The following IDO1 variants were observed in gnomAD, a reference collection of about 807,000 sequenced individuals.
IDO1 encodes the protein indoleamine 2,3-dioxygenase 1.
IDO1 carries 35 observed loss-of-function variants against 38.8 expected under a neutral mutation model. The observed-to-expected ratio is 0.90, with a 90% CI of 0.69 to 1.20. The LOEUF is 1.20. IDO1 is among the 50% of genes most tolerant of loss of function. IDO1 has a pLI of 0.00. For synonymous variants in IDO1, 171 were observed against 170.0 expected (o/e 1.01, Z -0.05); for missense variants, 509 against 485.1 (o/e 1.05, Z -0.46).
At position 39,928,000 on chromosome 8, in the gene IDO1, AG is replaced by A; in HGVS notation, c.1029del (p.Ser344AlafsTer7). ...DACVKALVSLRSYHLQIVTKY... is the reference protein window; with the variant it reads ...DACVKALVSLXSYHLQIVTKY... ...CTGTGTGAAAGCTCTGGTCTCCCTG[AG>A]GAGCTACCATCTGCAAATCGTGACT... On this transcript the variant is annotated frameshift_variant, in exon 10 of 10. Transcript: ENST00000518237. LOFTEE classifies it low-confidence loss of function (END_TRUNC). The A allele has an allele frequency of 6.2e-7, 1 of 1,605,744 alleles. No homozygotes were observed. Among genetic ancestry groups the A allele is most frequent in the Non-Finnish European group, 8.5e-7 (1 of 1,176,070 alleles).
intron 5 of IDO1, among the ~76,000 whole-genome samples, chr8:39,921,817 A>C (rs1244442040): frequency 6.6e-6 from 1 of 152,230 alleles, no homozygotes; most frequent in African/African-American, 2.4e-5. Context: ...AAAGCATATA[A>C]ACCACTGAGA....
intron 5 of IDO1, 135 bp downstream of exon 5, chr8:39,920,249 A>G (rs959498901): frequency 4.7e-6 from 3 of 642,304 alleles, no homozygotes; most frequent in Non-Finnish European, 8.0e-6. Context: ...GTGACTATTT[A>G]GAGAACAAAT....
At chr8:39,922,426 G>A (rs975425022) in intron 5 of IDO1, 126 bp from the exon 6 acceptor site, 132 of 673,184 alleles carry the variant, frequency 2.0e-4, no homozygotes, top group Admixed American at 2.9e-4. Context: ...ACATAATGGA[G>A]ATAGTAAGGC....
Position 39,928,353 on chromosome 8 carries a change from G to A in IDO1, c.*168G>A, listed in dbSNP as rs2129592541. 1.9e-6 allele frequency: 1 copy of A among 538,476 alleles called. No individual in the cohort carries two copies. Among genetic ancestry groups the A allele is most frequent in the East Asian group, 2.9e-5 (1 of 34,326 alleles). 33.4% of individuals were successfully genotyped at this position (538,476 alleles called of 1,614,324 possible). A position where few individuals can be genotyped will look rare whatever the true frequency, so the allele number is the denominator to read the frequency against. On this transcript the variant is annotated 3_prime_UTR_variant, in exon 10 of 10. Coordinates refer to ENST00000518237, the MANE Select transcript of IDO1 (RefSeq NM_002164.6). ...ATTTCTTGTAGGAAAACAACAAAAG[G>A]TAATTATGTGTAATTATACTAGAAG... is the stretch of plus-strand genomic sequence containing the variant.
intron 3 of IDO1, chr8:39,918,436 A>G (rs1190474703): frequency 1.9e-6 from 1 of 536,746 alleles, no homozygotes. Context: ...TGGCAACCCT[A>G]ATTACATAAA....
chr8:39,921,020 A>C (rs1807263974), intron 5 of IDO1: 1 of 152,198 alleles, frequency 6.6e-6, no homozygotes, highest in Admixed American at 6.5e-5. Context: ...GGAACCCTTG[A>C]AGCAAGTTAT....
chr8:39,913,997 G>A lies in IDO1; in HGVS notation c.75G>A (p.Leu25=). 1.3e-6 allele frequency: 2 copies of A among 1,568,192 alleles called. No homozygotes were observed. Among genetic ancestry groups the A allele is most frequent in the Non-Finnish European group, 1.7e-6 (2 of 1,155,768 alleles). Residue 25 remains leucine (L), a synonymous_variant, in exon 1 of 10, where the codon CTG becomes CTA. Transcript: ENST00000518237. ...YHIDEEVGFA[L]PNPQENLPDF... ...TTGATGAAGAAGTGGGCTTTGCTCTGCCAAATCCACAGGTAAGAGAAGGCA... is the reference window on the plus strand; with the variant it reads ...TTGATGAAGAAGTGGGCTTTGCTCTACCAAATCCACAGGTAAGAGAAGGCA...
At chr8:39,927,208 G>T (rs1807375095) in intron 9 of IDO1, among the ~76,000 whole-genome samples, 1 of 152,132 alleles carries the variant, frequency 6.6e-6, no homozygotes, top group African/African-American at 2.4e-5. Context: ...GTCAAATGCA[G>T]ATTATATATG....
intron 9 of IDO1, among the ~76,000 whole-genome samples, chr8:39,925,621 A>G (rs959938370): frequency 6.6e-6 from 1 of 152,052 alleles, no homozygotes; most frequent in African/African-American, 2.4e-5. Flanking sequence ...CGGTGACTCA[A>G]GCCTGTAATC....
chr8:39,922,247 C>A (rs894168035), intron 5 of IDO1, among the ~76,000 whole-genome samples: 1 of 152,120 alleles, frequency 6.6e-6, no homozygotes, highest in Non-Finnish European at 1.5e-5. Flanking sequence ...GTGATCCACC[C>A]GCCTTGGCCT....
At chr8:39,925,711 C>T (rs1437510057) in intron 9 of IDO1, among the ~76,000 whole-genome samples, 13 of 151,830 alleles carry the variant, frequency 8.6e-5, no homozygotes, top group South Asian at 2.1e-4. Context: ...TGGTGAAACC[C>T]GGTCTCTACT....
chr8:39,921,991 G>GTTGTT (rs539601568), intron 5 of IDO1, among the ~76,000 whole-genome samples: 9 of 152,096 alleles, frequency 5.9e-5, no homozygotes, highest in South Asian at 2.1e-4. Context: ...TTTTGTTGTT[G>GTTGTT]TTGTTTTGTT....
At chr8:39,925,608 G>T (rs1807347537) in intron 9 of IDO1, among the ~76,000 whole-genome samples, 1 of 152,138 alleles carries the variant, frequency 6.6e-6, no homozygotes, top group African/African-American at 2.4e-5. Context: ...AGCTGGCCAG[G>T]TGCGGTGACT....
In IDO1 at chr8:39,925,295, AG is replaced by A; in HGVS notation, c.785del (p.Gly262AlafsTer34). On this transcript the variant is annotated frameshift_variant, in exon 9 of 10. Coordinates refer to ENST00000518237, the MANE Select transcript of IDO1 (RefSeq NM_002164.6). LOFTEE classifies it high-confidence loss of function. ...TCTGGGAAGACCCAAAGGAGTTTGC[AG>A]GGGGCAGTGCAGGCCAAAGCAGCGT... ...GFWEDPKEFA[G>X]GSAGQSSVFQ... is the part of the protein sequence containing the mutation. The A allele has an allele frequency of 6.2e-7, 1 of 1,613,244 alleles. No individual in the cohort carries two copies. The highest frequency in any genetic ancestry group is 8.5e-7 in the Non-Finnish European group (1 of 1,179,660).
chr8:39,915,684 A>G (rs1807164216), intron 1 of IDO1: 1 of 152,238 alleles, frequency 6.6e-6, no homozygotes, highest in African/African-American at 2.4e-5. Flanking sequence ...GTACTTATCA[A>G]TGGTACAATA....
intron 9 of IDO1, among the ~76,000 whole-genome samples, chr8:39,925,858 T>C (rs1440864774): frequency 6.6e-6 from 1 of 151,160 alleles, no homozygotes. Flanking sequence ...TACTCCAGCC[T>C]GGGCAAAAGA....
chr8:39,925,659 G>C (rs1807348481), intron 9 of IDO1, among the ~76,000 whole-genome samples: 3 of 152,030 alleles, frequency 2.0e-5, no homozygotes, highest in Admixed American at 6.6e-5. Flanking sequence ...CTAGGCAGGT[G>C]GATCACCTGA....
chr8:39,917,818 G>T, intron 1 of IDO1, 57 bp from the exon 2 acceptor site: 1 of 1,184,028 alleles, frequency 8.4e-7, no homozygotes. Flanking sequence ...CTATCAGTGG[G>T]AAGCCAAATC....
At position 39,928,197 on chromosome 8, in the gene IDO1, A is replaced by G; in HGVS notation, c.*12A>G. The stretch of plus-strand genomic sequence containing the variant: ...TGAAGGAAGGTTAATGTAACCCAAC[A>G]AGAGCACATTTTATCATAGCAGAGA... On this transcript the variant is annotated 3_prime_UTR_variant, in exon 10 of 10. Transcript: ENST00000518237. The G allele has an allele frequency of 6.4e-7, 1 of 1,573,228 alleles. No individual in the cohort carries two copies. Among genetic ancestry groups the G allele is most frequent in the Non-Finnish European group, 8.7e-7 (1 of 1,151,688 alleles).
Sources: allele counts gnomAD v4.1 joint callset (sites outside exome capture counted in the v4.1 genomes callset), GRCh38; gene constraint gnomAD v4.1.1; transcripts MANE v1.5; gene names NCBI Gene and HGNC (gene_info 2026-07-23, HGNC 2026-07-21).